The following CWC25 variants were observed in gnomAD, a reference collection of about 807,000 sequenced individuals.
The protein encoded by CWC25 is pre-mRNA-splicing factor CWC25 homolog.
A neutral mutation model predicts 54.6 loss-of-function variants in CWC25; 31 were observed. The ratio of observed to expected loss-of-function variants is 0.57; its 90% CI spans 0.43 to 0.77. CWC25 has a LOEUF of 0.77. Among genes scored for constraint, CWC25 ranks in the 30% least tolerant of loss-of-function variants. The probability of loss-of-function intolerance (pLI) is 0.00; values close to 1 mark genes in which losing one functional copy is unlikely to be tolerated. For synonymous variants in CWC25, 151 were observed against 187.0 expected (o/e 0.81, Z 1.57); for missense variants, 453 against 529.3 (o/e 0.86, Z 1.41).
chr17:38,818,588 CAAAAAAAAAAA>C (rs56382375), intron 2 of CWC25, among the ~76,000 whole-genome samples: 5 of 48,500 alleles, frequency 1.0e-4, no homozygotes, highest in South Asian at 1.4e-3. Flanking sequence ...GACTCCATCT[CAAAAAAAAAAA>C]AAAAAAAAAA....
intron 1 of CWC25, among the ~76,000 whole-genome samples, chr17:38,823,377 C>G (rs1044390245): frequency 6.6e-6 from 1 of 150,638 alleles, no homozygotes; most frequent in Non-Finnish European, 1.5e-5. Flanking sequence ...CCAAGCTGGT[C>G]TCAAATCCTG....
intron 2 of CWC25, chr17:38,815,729 T>A: frequency 8.0e-7 from 1 of 1,252,726 alleles, no homozygotes; most frequent in South Asian, 1.3e-5. Context: ...TATGCTTTCA[T>A]TTCCAAGATG....
At position 38,806,405 on chromosome 17, in the gene CWC25, A is replaced by T. The variant is rs1186383327; in HGVS notation, c.903-10T>A. 1 of 1,611,654 alleles carries T rather than the reference A, an allele frequency of 6.2e-7. No homozygotes were observed. The highest frequency in any genetic ancestry group is 1.7e-5 in the Admixed American group (1 of 59,760). ...CACCTTAGAGTTGTGCCTGTAGCAG[A>T]CACAGAAGGCAAAGAGGAAAAAGCC... On this transcript the variant is annotated splice_polypyrimidine_tract_variant and intron_variant, in intron 7 of 9. Coordinates refer to ENST00000614790, the MANE Select transcript of CWC25 (RefSeq NM_017748.5).
intron 2 of CWC25, chr17:38,815,755 T>A: frequency 9.3e-7 from 1 of 1,075,910 alleles, no homozygotes; most frequent in Non-Finnish European, 1.2e-6. Context: ...AAACAATGAA[T>A]AAGCACATTC....
At chr17:38,802,925 A>C (rs1207293540) in intron 8 of CWC25, 64 bp from the exon 9 acceptor site, 9 of 1,592,656 alleles carry the variant, frequency 5.7e-6, no homozygotes, top group Middle Eastern at 3.3e-4. Flanking sequence ...GCAGCACAAG[A>C]AGCACAGAAG....
chr17:38,825,098 TACCCCC>T, intron 1 of CWC25, 62 bp downstream of exon 1: 3 of 1,373,366 alleles, frequency 2.2e-6, no homozygotes, highest in Non-Finnish European at 2.0e-6. Context: ...CTCCTTCCTC[TACCCCC>T]ACCCCCTGCC....
chr17:38,801,818 C>T lies in CWC25; in HGVS notation c.*274G>A, dbSNP rs140889633. On this transcript the variant is annotated 3_prime_UTR_variant, in exon 10 of 10. Transcript: ENST00000614790. Reference sequence around the variant, plus strand: ...TGATAAACATCACAACCCCAGGGAACAGCCTTCCAGAGTGGCACAAGCACT... The same window carrying T: ...TGATAAACATCACAACCCCAGGGAATAGCCTTCCAGAGTGGCACAAGCACT... 3 of 321,072 alleles carry T rather than the reference C, an allele frequency of 9.3e-6. No individual in the cohort carries two copies. The highest frequency in any genetic ancestry group is 1.7e-5 in the Non-Finnish European group (3 of 175,456). 19.9% of individuals were successfully genotyped at this position (321,072 alleles called of 1,614,324 possible). A position where few individuals can be genotyped will look rare whatever the true frequency, so the allele number is the denominator to read the frequency against.
intron 2 of CWC25, chr17:38,815,516 C>T (rs1911662177): frequency 2.0e-6 from 1 of 493,260 alleles, no homozygotes; most frequent in Admixed American, 2.4e-5. Flanking sequence ...CACGCCACTG[C>T]ACTCCAGCCT....
intron 8 of CWC25, among the ~76,000 whole-genome samples, chr17:38,805,265 A>T (rs1210158930): frequency 2.6e-5 from 4 of 152,120 alleles, no homozygotes; most frequent in Non-Finnish European, 5.9e-5. Flanking sequence ...ATACAACAAG[A>T]TGCTGTCTCC....
chr17:38,812,746 G>T, intron 4 of CWC25, 49 bp downstream of exon 4: 2 of 1,100,070 alleles, frequency 1.8e-6, no homozygotes, highest in Non-Finnish European at 1.3e-6. Context: ...ACGTTCTCAC[G>T]TTATATGGCT....
At chr17:38,813,180 G>C (rs991410769) in intron 3 of CWC25, among the ~76,000 whole-genome samples, 2 of 151,542 alleles carry the variant, frequency 1.3e-5, no homozygotes, top group Non-Finnish European at 2.9e-5. Context: ...GATGGGGCTG[G>C]GTGCAGTGGC....
rs752327775 is a variant in CWC25 at position 38,821,161 on chromosome 17, C to A, written c.19-88G>T. 6.2e-5 allele frequency: 85 copies of A among 1,370,462 alleles called. No individual in the cohort carries two copies. In the Admixed American group the frequency reaches 1.9e-3, roughly 31 times the overall value. 84.9% of individuals were successfully genotyped at this position (1,370,462 alleles called of 1,614,324 possible). A position where few individuals can be genotyped will look rare whatever the true frequency, so the allele number is the denominator to read the frequency against. On this transcript the variant is annotated intron_variant, in intron 1 of 9. Coordinates refer to ENST00000614790, the MANE Select transcript of CWC25 (RefSeq NM_017748.5). ...GCCCTGCCTCACCCACCCTTCCATA[C>A]CCAAGGCAGGCGTGTGAGGGCAAGA...
At chr17:38,818,588 C>CAAAAAAAAAAAAAAAAAAAA (rs56382375) in intron 2 of CWC25, among the ~76,000 whole-genome samples, 2 of 48,482 alleles carry the variant, frequency 4.1e-5, no homozygotes, top group Non-Finnish European at 3.4e-5. Context: ...GACTCCATCT[C>CAAAAAAAAAAAAAAAAAAAA]AAAAAAAAAA....
At position 38,809,689 on chromosome 17, in the gene CWC25, C is replaced by G; in HGVS notation, c.690+13G>C. On this transcript the variant is annotated intron_variant, in intron 6 of 9. Transcript: ENST00000614790. ...TCCCACAGTCACTCCTTTCAAGAAG[C>G]CCACATCCCTACCTGTAAGCCATAT... The G allele has an allele frequency of 1.2e-6, 2 of 1,613,226 alleles. No homozygotes were observed. Among genetic ancestry groups the G allele is most frequent in the Non-Finnish European group, 1.7e-6 (2 of 1,179,424 alleles).
Position 38,806,821 on chromosome 17 carries a change from C to G in CWC25, c.846G>C (p.Arg282=), listed in dbSNP as rs948404681. Residue 282 remains arginine (R), a synonymous_variant, in exon 7 of 10, where the codon CGG becomes CGC. Coordinates refer to ENST00000614790, the MANE Select transcript of CWC25 (RefSeq NM_017748.5). ...SKKSTREAGS[R]DRRSRSLGRR... ...TGCCCAGGGATCGAGACCTCCTGTC[C>G]CGGGACCCTGCTTCCCTGGTGCTCT... The G allele has an allele frequency of 1.2e-6, 2 of 1,612,772 alleles. No individual in the cohort carries two copies. The highest frequency in any genetic ancestry group is 1.7e-6 in the Non-Finnish European group (2 of 1,179,500).
chr17:38,810,538 GCTT>G lies in CWC25; in HGVS notation c.553_555del (p.Lys185del), dbSNP rs1911439072. 6.3e-7 allele frequency: 1 copy of G among 1,599,482 alleles called. No homozygotes were observed. The highest frequency in any genetic ancestry group is 8.5e-7 in the Non-Finnish European group (1 of 1,172,220). ...GAGCTTCTGTGCTTATGTTTCTTGT[GCTT>G]CTTTTTCTTCTCCTTCTTTTTCTTC... On this transcript the variant is annotated inframe_deletion, in exon 5 of 10. Coordinates refer to ENST00000614790, the MANE Select transcript of CWC25 (RefSeq NM_017748.5).
At chr17:38,805,373 GA>G (rs1911192842) in intron 8 of CWC25, among the ~76,000 whole-genome samples, 1 of 152,174 alleles carries the variant, frequency 6.6e-6, no homozygotes, top group Non-Finnish European at 1.5e-5. Flanking sequence ...ATGTAGCTAT[GA>G]AAAGAAACTA....
intron 1 of CWC25, among the ~76,000 whole-genome samples, chr17:38,823,259 AAGCG>A (rs1189020861): frequency 6.7e-6 from 1 of 149,844 alleles, no homozygotes; most frequent in Non-Finnish European, 1.5e-5. Context: ...TCCTGGGTTC[AAGCG>A]ATTCTCCTGC....
rs767685972 is a variant in CWC25, at chr17:38,800,444, A to G, written c.*1648T>C. The G allele has an allele frequency of 1.3e-5, 2 of 152,036 alleles. No homozygotes were observed. Among genetic ancestry groups the G allele is most frequent in the Non-Finnish European group, 2.9e-5 (2 of 68,032 alleles). 9.4% of individuals were successfully genotyped at this position (152,036 alleles called of 1,614,324 possible). A position where few individuals can be genotyped will look rare whatever the true frequency, so the allele number is the denominator to read the frequency against. On this transcript the variant is annotated 3_prime_UTR_variant, in exon 10 of 10. Coordinates refer to ENST00000614790, the MANE Select transcript of CWC25 (RefSeq NM_017748.5). ...GGTACTCCACAGGTGGTCGCTCTTT[A>G]AACAGTTACAAAAATAAATGTGGCC...
Sources: gnomAD v4.1 joint callset for allele counts (sites outside exome capture counted in the v4.1 genomes callset) on GRCh38, gnomAD v4.1.1 for gene constraint, MANE v1.5 for transcripts, NCBI Gene and HGNC (gene_info 2026-07-23, HGNC 2026-07-21) for gene names.